Variants in NKIRAS1 observed in about 807,000 individuals in gnomAD.
NKIRAS1 encodes NFKB inhibitor interacting Ras like 1, also known as NF-kappa-B inhibitor-interacting Ras-like protein 1.
NKIRAS1 carries 16 observed loss-of-function variants against 19.8 expected under a neutral mutation model. That is an observed-to-expected ratio of 0.81 (90% CI 0.55 to 1.23). The LOEUF (loss-of-function observed/expected upper bound fraction) is 1.23, where lower values mean the gene tolerates loss of function less well. Among genes scored for constraint, NKIRAS1 ranks in the 50% most tolerant of loss-of-function variants. The probability of loss-of-function intolerance (pLI) is 0.00; values close to 1 mark genes in which losing one functional copy is unlikely to be tolerated. For missense variants in NKIRAS1, 184 were observed against 220.0 expected (o/e 0.84, Z 1.04); for synonymous variants, 88 against 79.0 (o/e 1.11, Z -0.61).
chr3:23,929,492 TC>T (rs1179655132), intron 1 of NKIRAS1, among the ~76,000 whole-genome samples: 1 of 152,204 alleles, frequency 6.6e-6, no homozygotes, highest in Admixed American at 6.5e-5. Flanking sequence ...AGTGGCGTGA[TC>T]TTAGCTCACT....
chr3:23,945,452 C>T (rs1165966947), intron 1 of NKIRAS1: 1 of 388,788 alleles, frequency 2.6e-6, no homozygotes, highest in Admixed American at 6.0e-5. Context: ...CCCGCCCGCT[C>T]TGCCCATGAG....
intron 3 of NKIRAS1, among the ~76,000 whole-genome samples, chr3:23,906,286 T>C (rs1703056649): frequency 6.6e-6 from 1 of 151,914 alleles, no homozygotes; most frequent in Non-Finnish European, 1.5e-5. Flanking sequence ...GATTATCTGA[T>C]GGAGCTGACC....
Position 23,890,761 on chromosome 3 carries a change from A to G in NKIRAS1, c.*2334T>C, listed in dbSNP as rs1575051897. 4.8e-6 allele frequency: 3 copies of G among 626,432 alleles called. No individual in the cohort carries two copies. The East Asian group carries it at 9.8e-5, about 20-fold the overall frequency. The allele number at this position is 626,432 out of a possible 1,614,324, so 38.8% of individuals were successfully genotyped here. A position where few individuals can be genotyped will look rare whatever the true frequency, so the allele number is the denominator to read the frequency against. On this transcript the variant is annotated 3_prime_UTR_variant, in exon 5 of 5. Coordinates refer to ENST00000425478, the MANE Select transcript of NKIRAS1 (RefSeq NM_020345.4). ...ATTTCCTAAGATTTTGTTGTAACTT[A>G]AGGTATCTTGCTACAGTAGACAGAA...
rs1385152669 is a variant in NKIRAS1 at position 23,892,164 on chromosome 3, A to C, written c.*931T>G. 6.6e-6 allele frequency: 1 copy of C among 152,230 alleles called. No homozygotes were observed. Among genetic ancestry groups the C allele is most frequent in the African/African-American group, 2.4e-5 (1 of 41,466 alleles). 9.4% of individuals were successfully genotyped at this position (152,230 alleles called of 1,614,324 possible). A position where few individuals can be genotyped will look rare whatever the true frequency, so the allele number is the denominator to read the frequency against. ...TATTTCACAGGTGAAACCACTAAGT[A>C]GCTTACTTCCTACCTTTTAAATTAA... On this transcript the variant is annotated 3_prime_UTR_variant, in exon 5 of 5. Coordinates refer to ENST00000425478, the MANE Select transcript of NKIRAS1 (RefSeq NM_020345.4).
Position 23,891,452 on chromosome 3 carries a change from G to T in NKIRAS1, c.*1643C>A, listed in dbSNP as rs1278281687. The T allele has an allele frequency of 1.3e-5, 2 of 152,110 alleles. No homozygotes were observed. The highest frequency in any genetic ancestry group is 4.8e-5 in the African/African-American group (2 of 41,402). 9.4% of individuals were successfully genotyped at this position (152,110 alleles called of 1,614,324 possible). On this transcript the variant is annotated 3_prime_UTR_variant, in exon 5 of 5. Coordinates refer to ENST00000425478, the MANE Select transcript of NKIRAS1 (RefSeq NM_020345.4). ...GGTATTAGTTAGTTACCTATATTAG[G>T]ATCTGTACTTTACACAGCTGTAGAT...
At chr3:23,912,018 C>A (rs1225136307) in intron 1 of NKIRAS1, among the ~76,000 whole-genome samples, 1 of 151,258 alleles carries the variant, frequency 6.6e-6, no homozygotes, top group East Asian at 2.0e-4. Flanking sequence ...CCTGCCTTGG[C>A]CTCCCAAAGT....
At chr3:23,908,088 T>C (rs1386251993) in intron 3 of NKIRAS1, among the ~76,000 whole-genome samples, 2 of 152,180 alleles carry the variant, frequency 1.3e-5, no homozygotes, top group African/African-American at 4.8e-5. Context: ...ATCATGAACT[T>C]GACAGATTCC....
At chr3:23,938,545 G>A (rs1214712824) in intron 1 of NKIRAS1, among the ~76,000 whole-genome samples, 1 of 152,128 alleles carries the variant, frequency 6.6e-6, no homozygotes, top group Non-Finnish European at 1.5e-5. Context: ...TGTGGTCCTT[G>A]AGTCAGGGTG....
chr3:23,901,404 C>T (rs1443739627), intron 3 of NKIRAS1, among the ~76,000 whole-genome samples: 1 of 152,004 alleles, frequency 6.6e-6, no homozygotes, highest in Non-Finnish European at 1.5e-5. Flanking sequence ...AGGCTGGTCT[C>T]GAACTCCTGG....
At chr3:23,940,784 A>G (rs1359086977) in intron 1 of NKIRAS1, among the ~76,000 whole-genome samples, 1 of 152,240 alleles carries the variant, frequency 6.6e-6, no homozygotes, top group Non-Finnish European at 1.5e-5. Context: ...GGAGAAATAT[A>G]GAAGCTAATA....
intron 1 of NKIRAS1, among the ~76,000 whole-genome samples, chr3:23,943,928 T>C (rs1472799045): frequency 6.6e-6 from 1 of 151,996 alleles, no homozygotes; most frequent in Non-Finnish European, 1.5e-5. Context: ...ATTGGAGGGT[T>C]TTCAGCAGAG....
intron 1 of NKIRAS1, among the ~76,000 whole-genome samples, chr3:23,934,205 T>G (rs1380053733): frequency 2.0e-5 from 3 of 152,218 alleles, no homozygotes; most frequent in Non-Finnish European, 4.4e-5. Context: ...ATTCCTCCCT[T>G]CCTTTGTTCC....
chr3:23,910,011 G>A (rs970504186), intron 3 of NKIRAS1, among the ~76,000 whole-genome samples: 2 of 151,560 alleles, frequency 1.3e-5, no homozygotes, highest in Non-Finnish European at 2.9e-5. Context: ...GGCGTGCACC[G>A]CCACACCCAG....
At chr3:23,936,077 T>G (rs1705386676) in intron 1 of NKIRAS1, among the ~76,000 whole-genome samples, 1 of 70,234 alleles carries the variant, frequency 1.4e-5, no homozygotes, top group African/African-American at 6.6e-5. Flanking sequence ...AAAGGGACCC[T>G]GTCTCAAAAA....
intron 4 of NKIRAS1, among the ~76,000 whole-genome samples, chr3:23,900,545 G>A (rs1259117907): frequency 6.7e-6 from 1 of 149,850 alleles, no homozygotes; most frequent in Non-Finnish European, 1.5e-5. Context: ...TGAGGCAGGA[G>A]AATCGCTTGT....
chr3:23,918,268 G>T (rs1489081162), upstream of NKIRAS1: 4 of 910,948 alleles, frequency 4.4e-6, no homozygotes, highest in African/African-American at 6.7e-5. Context: ...GCCTCCCTGT[G>T]TGAGTAGCCT....
At chr3:23,925,430 T>C (rs914404080) in intron 1 of NKIRAS1, among the ~76,000 whole-genome samples, 1 of 152,072 alleles carries the variant, frequency 6.6e-6, no homozygotes, top group Non-Finnish European at 1.5e-5. Flanking sequence ...GCTCAGGAGT[T>C]TGAGACCAGC....
chr3:23,911,462 C>T lies in NKIRAS1; in HGVS notation c.-139-12G>A, dbSNP rs957263549. The T allele has an allele frequency of 2.0e-5, 3 of 153,670 alleles. No homozygotes were observed. The highest frequency in any genetic ancestry group is 7.3e-5 in the African/African-American group (3 of 41,362). The allele number at this position is 153,670 out of a possible 1,614,324, so 9.5% of individuals were successfully genotyped here. A position where few individuals can be genotyped will look rare whatever the true frequency, so the allele number is the denominator to read the frequency against. On this transcript the variant is annotated splice_polypyrimidine_tract_variant and intron_variant, in intron 1 of 4. Transcript: ENST00000425478. ...GAGCTAGACTCTGTCTGAAAACAAA[C>T]AAACAAAAAAACACATGGATAGGTA... is the stretch of plus-strand genomic sequence containing the variant.
At chr3:23,921,476 T>C (rs192460160), upstream of NKIRAS1, 2 of 636,398 alleles carry the variant, frequency 3.1e-6, no homozygotes, top group South Asian at 3.8e-5. Context: ...AGGGTCACTT[T>C]ATTAGCTATA....
Sources: gnomAD v4.1 joint callset for allele counts (sites outside exome capture counted in the v4.1 genomes callset) on GRCh38, gnomAD v4.1.1 for gene constraint, MANE v1.5 for transcripts, NCBI Gene and HGNC (gene_info 2026-07-23, HGNC 2026-07-21) for gene names.